Variants in PIK3CD observed in about 807,000 individuals in gnomAD.
PIK3CD encodes phosphatidylinositol-4,5-bisphosphate 3-kinase catalytic subunit delta.
A neutral mutation model predicts 122.9 loss-of-function variants in PIK3CD; 20 were observed. That is an observed-to-expected ratio of 0.16 (90% confidence interval 0.11 to 0.24). The LOEUF (loss-of-function observed/expected upper bound fraction) is 0.24. Among genes scored for constraint, PIK3CD ranks in the 10% least tolerant of loss-of-function variants. The pLI is 1.00. For synonymous variants in PIK3CD, 596 were observed against 593.4 expected (o/e 1.00, Z -0.06); for missense variants, 787 against 1,406.3 (o/e 0.56, Z 7.04).
intron 2 of PIK3CD, among the ~76,000 whole-genome samples, chr1:9,706,952 G>A (rs971188583): frequency 3.3e-5 from 5 of 150,996 alleles, no homozygotes; most frequent in Non-Finnish European, 5.9e-5. Context: ...CTACAGGCAC[G>A]CTCCACCATG....
the PIK3CD span, among the ~76,000 whole-genome samples, chr1:9,641,722 AGCCCATC>A: frequency 4.6e-5 from 7 of 152,126 alleles, no homozygotes; most frequent in Admixed American, 3.9e-4. Context: ...GTCATTCTCC[AGCCCATC>A]GGTCACAACC....
intron 2 of PIK3CD, among the ~76,000 whole-genome samples, chr1:9,699,568 A>ACCTGCCT (rs1167257925): frequency 1.3e-4 from 19 of 148,750 alleles, no homozygotes; most frequent in African/African-American, 4.4e-4. Context: ...GACTTCAGGC[A>ACCTGCCT]CCTGCCTCCT....
In PIK3CD at chr1:9,710,442, A is replaced by G; in HGVS notation, c.-14A>G. 1 of 1,613,982 alleles carries G rather than the reference A, an allele frequency of 6.2e-7. No individual in the cohort carries two copies. Among genetic ancestry groups the G allele is most frequent in the African/African-American group, 1.3e-5 (1 of 75,040 alleles). Reference sequence around the variant, plus strand: ...TTTTTAGGACAACTGTCATCTGGGAAGTAACAACGCAGGATGCCCCCTGGG... The same window carrying G: ...TTTTTAGGACAACTGTCATCTGGGAGGTAACAACGCAGGATGCCCCCTGGG... On this transcript the variant is annotated 5_prime_UTR_variant, in exon 3 of 24. Coordinates refer to ENST00000377346, the MANE Select transcript of PIK3CD (RefSeq NM_005026.5). The surrounding 1 kb of genome is among the most constrained non-coding windows in gnomAD (Gnocchi z 4.7).
In PIK3CD at chr1:9,720,946, G is replaced by A. The variant is rs1218806021; in HGVS notation, c.1689+37G>A. 6 of 1,544,540 alleles carry A rather than the reference G, an allele frequency of 3.9e-6. No homozygotes were observed. Among genetic ancestry groups the A allele is most frequent in the Admixed American group, 1.9e-5 (1 of 51,412 alleles). ...GGCGCACCTGGGGGCGGAGCTGGGG[G>A]CAGACCACAGCCTCTGGCTACCCAC... On this transcript the variant is annotated intron_variant, in intron 13 of 23. Coordinates refer to ENST00000377346, the MANE Select transcript of PIK3CD (RefSeq NM_005026.5). This position sits in a 1 kb window ranked among gnomAD's most constrained non-coding sequence, Gnocchi z 9.0.
chr1:9,678,165 C>A (rs923379414), intron 1 of PIK3CD, among the ~76,000 whole-genome samples: 34 of 149,574 alleles, frequency 2.3e-4, no homozygotes, highest in African/African-American at 7.4e-4. Context: ...AAAACAAAAA[C>A]AAAAAAACAA....
Position 9,720,922 on chromosome 1 carries a change from G to A in PIK3CD, c.1689+13G>A, listed in dbSNP as rs1379705927. 1 of 1,573,410 alleles carries A rather than the reference G, an allele frequency of 6.4e-7. No homozygotes were observed. Among genetic ancestry groups the A allele is most frequent in the Non-Finnish European group, 8.6e-7 (1 of 1,159,892 alleles). ...GGATGTGGCCCAGGTGGGTGGGGAG[G>A]CGCACCTGGGGGCGGAGCTGGGGGC... is the stretch of plus-strand genomic sequence containing the variant. On this transcript the variant is annotated intron_variant, in intron 13 of 23. Transcript: ENST00000377346. The surrounding 1 kb of genome is among the most constrained non-coding windows in gnomAD (Gnocchi z 9.0).
Position 9,719,619 on chromosome 1 carries a change from C to T in PIK3CD, c.1243-302C>T, listed in dbSNP as rs1648153968. Among the ~76,000 whole-genome samples, 1 of 151,688 alleles carries T rather than the reference C, an allele frequency of 6.6e-6. No homozygotes were observed. The highest frequency in any genetic ancestry group is 2.4e-5 in the African/African-American group (1 of 41,276). On this transcript the variant is annotated intron_variant, in intron 9 of 23. Coordinates refer to ENST00000377346, the MANE Select transcript of PIK3CD (RefSeq NM_005026.5). The surrounding 1 kb of genome is among the most constrained non-coding windows in gnomAD (Gnocchi z 5.5). ...GAGGTTGCAATGAGCCGAGATCGTG[C>T]CACTGCACTCCAGCCTGGGTGACAG...
In PIK3CD at chr1:9,710,182, G is replaced by A; in HGVS notation, c.-32-242G>A. ...TTTGCTGTGCGTGCTCCTGTGGGGA[G>A]GACATGCAGTGTCTGCCTGGGAGAA... On this transcript the variant is annotated intron_variant, in intron 2 of 23. Transcript: ENST00000377346. This position sits in a 1 kb window ranked among gnomAD's most constrained non-coding sequence, Gnocchi z 4.7. 1 of 493,842 alleles carries A rather than the reference G, an allele frequency of 2.0e-6. No homozygotes were observed. Among genetic ancestry groups the A allele is most frequent in the Non-Finnish European group, 3.7e-6 (1 of 268,948 alleles). The allele number at this position is 493,842 out of a possible 1,614,324, so 30.6% of individuals were successfully genotyped here.
rs573382597 is a variant in PIK3CD at position 9,666,227 on chromosome 1, CTTTTTTTTTTTTTT to C, written c.-138+14443_-138+14456del. Among the ~76,000 whole-genome samples, 292 of 44,202 alleles carry C rather than the reference CTTTTTTTTTTTTTT, an allele frequency of 6.6e-3. 1 individual carries two copies. The highest frequency in any genetic ancestry group is 0.01 in the South Asian group (9 of 888). 29.0% of individuals were successfully genotyped at this position (44,202 alleles called of 152,430 possible). ...ACAGGCATGAGCCACCGCGCCCGGT[CTTTTTTTTTTTTTT>C]TTTTTTTTTTTTTTTTTGAGGTGGA... On this transcript the variant is annotated intron_variant, in intron 1 of 23. Transcript: ENST00000377346.
rs1189715672 is a variant in PIK3CD, at chr1:9,720,253, G to A, written c.1470+11G>A. The A allele has an allele frequency of 5.6e-6, 9 of 1,599,550 alleles. No homozygotes were observed. The East Asian group carries it at 2.0e-4, about 36-fold the overall frequency. ...CCCGCCCTGGAGAAGGTCAGTGGGG[G>A]CCCCGCCGCGTGAGGCTGAGGGGCT... On this transcript the variant is annotated intron_variant, in intron 11 of 23. Coordinates refer to ENST00000377346, the MANE Select transcript of PIK3CD (RefSeq NM_005026.5). This position sits in a 1 kb window ranked among gnomAD's most constrained non-coding sequence, Gnocchi z 9.0.
At chr1:9,638,094 G>A in the PIK3CD span, among the ~76,000 whole-genome samples, 2 of 151,722 alleles carry the variant, frequency 1.3e-5, no homozygotes, top group African/African-American at 2.4e-5. Flanking sequence ...GCAACAGAGC[G>A]AGACTCTGTC....
Position 9,721,233 on chromosome 1 carries a change from C to A in PIK3CD, c.1796C>A (p.Ser599Ter). 1 of 1,613,394 alleles carries A rather than the reference C, an allele frequency of 6.2e-7. No individual in the cohort carries two copies. Among genetic ancestry groups the A allele is most frequent in the South Asian group, 1.1e-5 (1 of 91,084 alleles). The change falls in exon 14 of 24, where the codon TCG (serine) becomes TAG (stop). Residue 599 changes from serine to a stop codon, truncating the protein, a stop_gained. Coordinates refer to ENST00000377346, the MANE Select transcript of PIK3CD (RefSeq NM_005026.5). LOFTEE classifies it high-confidence loss of function. The part of the protein sequence containing the change: ...DCHVGSFAIK[S>*]LRKLTDDELF... ...CACGTAGGCTCCTTCGCCATCAAGT[C>A]GCTGCGGAAACTGACGTGAGTCCCA...
chr1:9,642,586 G>T, the PIK3CD span, among the ~76,000 whole-genome samples: 1 of 150,202 alleles, frequency 6.7e-6, no homozygotes, highest in Non-Finnish European at 1.5e-5. Context: ...GCGCAGTGGC[G>T]GGTGCCTGTA....
At chr1:9,657,330 G>C (rs756503131) in intron 1 of PIK3CD, among the ~76,000 whole-genome samples, 1 of 152,094 alleles carries the variant, frequency 6.6e-6, no homozygotes, top group Non-Finnish European at 1.5e-5. Flanking sequence ...ACCTATCTTT[G>C]TGGGGGCCAC....
intron 1 of PIK3CD, among the ~76,000 whole-genome samples, chr1:9,677,957 G>A (rs1645600390): frequency 6.6e-6 from 1 of 151,668 alleles, no homozygotes; most frequent in African/African-American, 2.4e-5. Context: ...TTCGAGACCA[G>A]CCCATGGTGA....
At position 9,718,861 on chromosome 1, in the gene PIK3CD, C is replaced by T. The variant is rs144635462; in HGVS notation, c.1188C>T (p.Ala396=). ...RMARLCFALY[A]VIEKAKKARS... is the part of the protein sequence containing the mutation. ...CCCGTCTCTGCTTTGCGCTGTACGC[C>T]GTGATCGAGAAAGCCAAGAAGGCTC... The change falls in exon 9 of 24, where the codon GCC becomes GCT. Residue 396 remains alanine, a synonymous_variant. Transcript: ENST00000377346. This position sits in a 1 kb window ranked among gnomAD's most constrained non-coding sequence, Gnocchi z 7.2. The T allele has an allele frequency of 1.7e-5, 28 of 1,613,022 alleles. No individual in the cohort carries two copies. Among genetic ancestry groups the T allele is most frequent in the Middle Eastern group, 1.6e-4 (1 of 6,084 alleles).
intron 3 of PIK3CD, among the ~76,000 whole-genome samples, chr1:9,712,709 C>T (rs189907027): frequency 8.0e-4 from 122 of 152,280 alleles, no homozygotes; most frequent in African/African-American, 2.9e-3. Flanking sequence ...GTTTCTTTTT[C>T]CTTCCATTGG....
In PIK3CD at chr1:9,724,429, T is replaced by TG. The variant is rs1649169886; in HGVS notation, c.2864+9dup. ...TAGTGAGAAATTTGAACGGTGAGAG[T>TG]GCCTGAGCCCCACCAGATGCCCCTC... On this transcript the variant is annotated intron_variant, in intron 22 of 23. Transcript: ENST00000377346. This position sits in a 1 kb window ranked among gnomAD's most constrained non-coding sequence, Gnocchi z 7.3. 9 of 1,613,788 alleles carry TG rather than the reference T, an allele frequency of 5.6e-6. 1 individual carries two copies. In the African/African-American group the frequency reaches 6.7e-5, roughly 12 times the overall value.
At chr1:9,679,644 C>A (rs1308672869) in intron 1 of PIK3CD, among the ~76,000 whole-genome samples, 1 of 152,188 alleles carries the variant, frequency 6.6e-6, no homozygotes, top group Non-Finnish European at 1.5e-5. Flanking sequence ...AGGTGGCCAG[C>A]CTTCCTGGAG....
Sources: gnomAD v4.1 joint callset for allele counts (sites outside exome capture counted in the v4.1 genomes callset) on GRCh38, gnomAD v4.1.1 for gene constraint, Gnocchi (gnomAD v3.1) non-coding constraint, MANE v1.5 for transcripts, NCBI Gene and HGNC (gene_info 2026-07-23, HGNC 2026-07-21) for gene names.